The following ACER2 variants were observed in gnomAD, a reference collection of about 807,000 sequenced individuals.
ACER2 encodes alkCDase 2.
In ACER2, 26 loss-of-function variants were observed where a neutral mutation model predicts 34.7. The ratio of observed to expected loss-of-function variants is 0.75; its 90% CI spans 0.55 to 1.04. ACER2 has a LOEUF of 1.04. Ranked by LOEUF, ACER2 falls within the 50% of genes least tolerant of loss-of-function variation. The pLI, the probability that ACER2 is intolerant of heterozygous loss-of-function variation, is 0.00. For synonymous variants in ACER2, 138 were observed against 132.1 expected, an observed-to-expected ratio of 1.04 and a Z score of -0.31; for missense variants, 352 against 340.8, an observed-to-expected ratio of 1.03 and a Z score of -0.26.
At chr9:19,432,172 C>G (rs1473894571) in intron 3 of ACER2, among the ~76,000 whole-genome samples, 1 of 152,186 alleles carries the variant, frequency 6.6e-6, no homozygotes, top group Non-Finnish European at 1.5e-5. Flanking sequence ...TTGTCTAAGA[C>G]TTGTCATTTC....
intron 1 of ACER2, among the ~76,000 whole-genome samples, chr9:19,418,231 A>C (rs1347731921): frequency 6.6e-6 from 1 of 152,174 alleles, no homozygotes; most frequent in African/African-American, 2.4e-5. Flanking sequence ...AAATAGGAAC[A>C]CTTTTACACT....
chr9:19,426,305 T>G lies in ACER2; in HGVS notation c.365+1464T>G, dbSNP rs192742217. 7.0e-4 allele frequency among the ~76,000 whole-genome samples: 105 copies of G among 150,012 alleles called. 2 individuals are homozygous for G. In the East Asian group the frequency reaches 0.017, roughly 24 times the overall value. On this transcript the variant is annotated intron_variant, in intron 3 of 5. Coordinates refer to ENST00000340967, the MANE Select transcript of ACER2 (RefSeq NM_001010887.3). ...CTTTCTTTCTTTTTCTGTCTTTCTT[T>G]CTCTTTCTTTCTTTCTTTTTCTTTC...
intron 3 of ACER2, among the ~76,000 whole-genome samples, chr9:19,425,588 A>T (rs1830536479): frequency 6.6e-6 from 1 of 152,262 alleles, no homozygotes. Flanking sequence ...ACAAGTAAAT[A>T]ATATAATATT....
At chr9:19,439,596 A>G (rs1389884470) in intron 4 of ACER2, among the ~76,000 whole-genome samples, 2 of 152,030 alleles carry the variant, frequency 1.3e-5, no homozygotes, top group Non-Finnish European at 2.9e-5. Context: ...GCCTTCTCAA[A>G]CACCCAGCCT....
chr9:19,409,027 A>C lies in ACER2; in HGVS notation c.-58A>C. 7.1e-7 allele frequency: 1 copy of C among 1,411,070 alleles called. No individual in the cohort carries two copies. Among genetic ancestry groups the C allele is most frequent in the Middle Eastern group, 2.5e-4 (1 of 3,980 alleles). The allele number at this position is 1,411,070 out of a possible 1,614,324, so 87.4% of individuals were successfully genotyped here. A position where few individuals can be genotyped will look rare whatever the true frequency, so the allele number is the denominator to read the frequency against. On this transcript the variant is annotated 5_prime_UTR_variant, in exon 1 of 6. Transcript: ENST00000340967. ...GGCTGTCGCCGCGTTTTGCCTCCGCAGCAGCTCTGGGCTCTTCTCAGCTGC... is the reference window on the plus strand; with the variant it reads ...GGCTGTCGCCGCGTTTTGCCTCCGCCGCAGCTCTGGGCTCTTCTCAGCTGC...
rs755620690 is a variant in ACER2 at position 19,428,008 on chromosome 9, T to TTCC, written c.365+3168_365+3169insCCT. Among the ~76,000 whole-genome samples, 9 of 65,640 alleles carry TTCC rather than the reference T, an allele frequency of 1.4e-4. 1 individual carries two copies. Among genetic ancestry groups the TTCC allele is most frequent in the Admixed American group, 5.1e-4 (3 of 5,916 alleles). The allele number at this position is 65,640 out of a possible 152,430, so 43.1% of individuals were successfully genotyped here. Reference sequence around the variant, plus strand: ...TTTTTCCTTTCCTTTCCTTTTTCCTTTTTCCTTTCCTTTCCTTTCCTTTCC... The same window carrying TTCC: ...TTTTTCCTTTCCTTTCCTTTTTCCTTTCCTTTCCTTTCCTTTCCTTTCCTTTCC... On this transcript the variant is annotated intron_variant, in intron 3 of 5. Transcript: ENST00000340967.
intron 3 of ACER2, among the ~76,000 whole-genome samples, chr9:19,432,492 C>T (rs980292104): frequency 2.0e-5 from 3 of 151,792 alleles, no homozygotes; most frequent in African/African-American, 7.3e-5. Context: ...TTTACTTATT[C>T]TCTGTAATGA....
At chr9:19,423,392 A>G (rs1386935374) in intron 1 of ACER2, among the ~76,000 whole-genome samples, 1 of 152,176 alleles carries the variant, frequency 6.6e-6, no homozygotes, top group Non-Finnish European at 1.5e-5. Flanking sequence ...TCCTGATTGT[A>G]TATCTGTAGT....
chr9:19,443,198 T>C (rs1474769983), intron 4 of ACER2, among the ~76,000 whole-genome samples: 1 of 151,810 alleles, frequency 6.6e-6, no homozygotes, highest in Non-Finnish European at 1.5e-5. Flanking sequence ...GCCCAGCTAA[T>C]TTTTTTTGTA....
intron 3 of ACER2, among the ~76,000 whole-genome samples, chr9:19,434,104 C>CCGGG (rs1830863017): frequency 6.6e-6 from 1 of 151,586 alleles, no homozygotes; most frequent in Non-Finnish European, 1.5e-5. Flanking sequence ...GGGGTGGCGG[C>CCGGG]CGGGCAGAGG....
At chr9:19,440,628 C>T (rs1831124555) in intron 4 of ACER2, among the ~76,000 whole-genome samples, 1 of 152,154 alleles carries the variant, frequency 6.6e-6, no homozygotes, top group African/African-American at 2.4e-5. Flanking sequence ...AAACAAATTT[C>T]TGTTTTTATC....
intron 5 of ACER2, among the ~76,000 whole-genome samples, chr9:19,447,293 G>A (rs940111479): frequency 1.3e-5 from 2 of 152,180 alleles, no homozygotes; most frequent in African/African-American, 4.8e-5. Flanking sequence ...TCAGGAAAAG[G>A]TTGACTTCTA....
chr9:19,448,318 C>CT (rs971561957), intron 5 of ACER2, among the ~76,000 whole-genome samples: 7 of 151,396 alleles, frequency 4.6e-5, no homozygotes, highest in African/African-American at 1.2e-4. Context: ...CTGGCCCAAA[C>CT]TTTTTTTTTA....
intron 5 of ACER2, among the ~76,000 whole-genome samples, chr9:19,447,421 C>G (rs1388563185): frequency 6.6e-6 from 1 of 152,142 alleles, no homozygotes; most frequent in East Asian, 1.9e-4. Flanking sequence ...GACTTGGGGA[C>G]TTCAAGGAGT....
intron 1 of ACER2, among the ~76,000 whole-genome samples, chr9:19,412,857 AATTT>A (rs1190503523): frequency 5.3e-5 from 8 of 152,220 alleles, no homozygotes; most frequent in African/African-American, 1.7e-4. Context: ...GATTGATCAT[AATTT>A]ATTTATCTAA....
intron 1 of ACER2, among the ~76,000 whole-genome samples, chr9:19,409,494 C>T (rs781017908): frequency 6.6e-6 from 1 of 152,150 alleles, no homozygotes; most frequent in Non-Finnish European, 1.5e-5. Flanking sequence ...TCAGCCCATT[C>T]TCCTTGTTTG....
At chr9:19,446,909 A>G (rs116504719) in intron 5 of ACER2, among the ~76,000 whole-genome samples, 5,374 of 152,292 alleles carry the variant, frequency 0.035, 312 homozygotes, top group African/African-American at 0.12. Flanking sequence ...ACAGAAGACC[A>G]GAGAGCTAAA....
chr9:19,426,254 A>G (rs1157877414), intron 3 of ACER2, among the ~76,000 whole-genome samples: 1 of 148,896 alleles, frequency 6.7e-6, no homozygotes, highest in East Asian at 2.0e-4. Context: ...AAATTAACAC[A>G]TTAATCTCTT....
intron 1 of ACER2, among the ~76,000 whole-genome samples, chr9:19,419,219 C>T (rs1830329588): frequency 6.6e-6 from 1 of 152,168 alleles, no homozygotes; most frequent in Non-Finnish European, 1.5e-5. Context: ...AAACCTACTG[C>T]ATATACAGTA....
Sources: allele counts gnomAD v4.1 joint callset (sites outside exome capture counted in the v4.1 genomes callset), GRCh38; gene constraint gnomAD v4.1.1; transcripts MANE v1.5; gene names NCBI Gene and HGNC (gene_info 2026-07-23, HGNC 2026-07-21).